GPC5: variants seen among roughly 807,000 people sequenced by gnomAD.
GPC5 encodes glypican-5.
Under a neutral mutation model 53.9 loss-of-function variants are expected in GPC5, and 47 were observed. The ratio of observed to expected loss-of-function variants is 0.87; its 90% CI spans 0.69 to 1.11. The LOEUF (loss-of-function observed/expected upper bound fraction) is 1.11. Among genes scored for constraint, GPC5 ranks in the 50% most tolerant of loss-of-function variants. The pLI is 0.00. For missense variants in GPC5, 748 were observed against 713.1 expected (o/e 1.05, Z -0.56); for synonymous variants, 286 against 263.3 (o/e 1.09, Z -0.84).
At chr13:91,619,011 G>A (rs1056913650) in intron 2 of GPC5, among the ~76,000 whole-genome samples, 2 of 152,002 alleles carry the variant, frequency 1.3e-5, no homozygotes, top group Non-Finnish European at 2.9e-5. Flanking sequence ...TAGAAAATAA[G>A]AGGAAATTTG....
chr13:92,757,749 C>T (rs999570547), intron 7 of GPC5, among the ~76,000 whole-genome samples: 47 of 152,262 alleles, frequency 3.1e-4, no homozygotes, highest in African/African-American at 1.1e-3. Flanking sequence ...CATCACTGGC[C>T]ATCAGAGAAA....
At chr13:92,122,290 CT>C (rs1239425925) in intron 6 of GPC5, among the ~76,000 whole-genome samples, 1 of 106,700 alleles carries the variant, frequency 9.4e-6, no homozygotes. Flanking sequence ...TTTTTTTTAA[CT>C]TTTTTTTTAA....
intron 7 of GPC5, among the ~76,000 whole-genome samples, chr13:92,171,171 G>T (rs78612846): frequency 0.01 from 1,581 of 151,974 alleles, 29 homozygotes; most frequent in African/African-American, 0.036. Flanking sequence ...CTTTTGCTGG[G>T]TAATAGCAGT....
At chr13:92,775,927 G>A (rs142656182) in intron 7 of GPC5, among the ~76,000 whole-genome samples, 48 of 152,268 alleles carry the variant, frequency 3.2e-4, no homozygotes, top group Non-Finnish European at 5.6e-4. Flanking sequence ...CCTACTCTGT[G>A]GCAAGAATAA....
At chr13:91,723,095 G>A (rs2036507505) in intron 3 of GPC5, among the ~76,000 whole-genome samples, 1 of 151,514 alleles carries the variant, frequency 6.6e-6, no homozygotes, top group South Asian at 2.1e-4. Flanking sequence ...CTTGAATGTA[G>A]CATATCTACT....
At chr13:92,320,486 T>C (rs1334268209) in intron 7 of GPC5, among the ~76,000 whole-genome samples, 1 of 152,160 alleles carries the variant, frequency 6.6e-6, no homozygotes, top group Non-Finnish European at 1.5e-5. Context: ...TTATGTCATT[T>C]TGCTTGTAAT....
intron 6 of GPC5, among the ~76,000 whole-genome samples, chr13:92,033,176 A>C (rs1325686499): frequency 3.3e-5 from 5 of 151,930 alleles, no homozygotes; most frequent in Non-Finnish European, 7.4e-5. Context: ...AAAGCCTATA[A>C]CTTGAGTAAA....
At chr13:91,563,456 A>T (rs1457693160) in intron 2 of GPC5, among the ~76,000 whole-genome samples, 1 of 152,212 alleles carries the variant, frequency 6.6e-6, no homozygotes, top group Non-Finnish European at 1.5e-5. Flanking sequence ...TTTGATGCTG[A>T]CATACATTTC....
chr13:91,954,750 A>G (rs554504020), intron 6 of GPC5, among the ~76,000 whole-genome samples: 5 of 152,210 alleles, frequency 3.3e-5, no homozygotes, highest in African/African-American at 1.2e-4. Context: ...TCAATAAAAT[A>G]AGACTGATAT....
intron 7 of GPC5, chr13:92,701,422 CA>C (rs1338464379): frequency 6.6e-6 from 1 of 152,058 alleles, no homozygotes; most frequent in Non-Finnish European, 1.5e-5. Context: ...CAAGCATTTA[CA>C]AAATCCAGAT....
chr13:91,602,649 T>A (rs1193720251), intron 2 of GPC5, among the ~76,000 whole-genome samples: 1 of 152,204 alleles, frequency 6.6e-6, no homozygotes, highest in Non-Finnish European at 1.5e-5. Flanking sequence ...TTGACAGTCT[T>A]AACGTGATTG....
chr13:91,949,250 A>T (rs745536055), intron 6 of GPC5, among the ~76,000 whole-genome samples: 1 of 152,236 alleles, frequency 6.6e-6, no homozygotes, highest in Non-Finnish European at 1.5e-5. Context: ...CAGAATTCAA[A>T]TGAAAAAATA....
intron 7 of GPC5, among the ~76,000 whole-genome samples, chr13:92,776,304 G>T (rs9561146): frequency 0.33 from 50,029 of 151,622 alleles, 9,762 homozygotes; most frequent in East Asian, 0.75. Flanking sequence ...TTCCCACAGC[G>T]AGCTCTCTCT....
intron 7 of GPC5, among the ~76,000 whole-genome samples, chr13:92,476,514 T>A (rs920249801): frequency 9.2e-5 from 14 of 151,796 alleles, no homozygotes; most frequent in Admixed American, 2.0e-4. Context: ...GAACTGGAAA[T>A]ACCATTTGAC....
intron 2 of GPC5, among the ~76,000 whole-genome samples, chr13:91,637,641 T>G (rs910973857): frequency 2.0e-5 from 3 of 152,124 alleles, no homozygotes; most frequent in African/African-American, 7.2e-5. Context: ...GAAACCCTGA[T>G]ACAGATAAGA....
intron 2 of GPC5, among the ~76,000 whole-genome samples, chr13:91,512,986 C>A (rs1321516560): frequency 2.6e-5 from 4 of 152,162 alleles, no homozygotes; most frequent in African/African-American, 9.7e-5. Flanking sequence ...ATTTTCTTCA[C>A]ATTACACTTT....
At chr13:92,602,671 A>G (rs765248426) in intron 7 of GPC5, among the ~76,000 whole-genome samples, 18 of 152,128 alleles carry the variant, frequency 1.2e-4, no homozygotes, top group Non-Finnish European at 1.9e-4. Context: ...TTGAAGGCAG[A>G]CTATCCTTTT....
At position 92,013,654 on chromosome 13, in the gene GPC5, CT is replaced by C. The variant is rs372683109; in HGVS notation, c.1401+105598del. Among the ~76,000 whole-genome samples, 154 of 152,300 alleles carry C rather than the reference CT, an allele frequency of 1.0e-3. 1 individual carries two copies. In the East Asian group the frequency reaches 0.017, roughly 17 times the overall value. On this transcript the variant is annotated intron_variant, in intron 6 of 7. Transcript: ENST00000377067. ...GGTGGGTTTCACCAGGGACCTGCCC[CT>C]GTCTGCCTTAAATTTCTCTGCCTCC...
chr13:92,818,213 T>C (rs983419743), intron 7 of GPC5, among the ~76,000 whole-genome samples: 4 of 151,818 alleles, frequency 2.6e-5, no homozygotes, highest in East Asian at 3.9e-4. Flanking sequence ...GTTCACCATA[T>C]TGGCCAGGCT....
Sources: allele counts gnomAD v4.1 joint callset (sites outside exome capture counted in the v4.1 genomes callset), GRCh38; gene constraint gnomAD v4.1.1; transcripts MANE v1.5; gene names NCBI Gene and HGNC (gene_info 2026-07-23, HGNC 2026-07-21).